Variants in PCDH9 observed in about 807,000 individuals in gnomAD.
PCDH9 encodes the protein protocadherin-9.
Under a neutral mutation model 70.6 loss-of-function variants are expected in PCDH9, and 24 were observed. The ratio of observed to expected loss-of-function variants is 0.34; its 90% CI spans 0.25 to 0.48. The LOEUF is 0.48. Ranked by LOEUF, PCDH9 falls within the 20% of genes least tolerant of loss-of-function variation. The pLI, the probability that PCDH9 is intolerant of heterozygous loss-of-function variation, is 0.99. For synonymous variants in PCDH9, 562 were observed against 558.5 expected (o/e 1.01, Z -0.09); for missense variants, 1,281 against 1,503.6 (o/e 0.85, Z 2.45).
At chr13:66,938,044 A>C (rs2082945918) in intron 2 of PCDH9, among the ~76,000 whole-genome samples, 1 of 152,188 alleles carries the variant, frequency 6.6e-6, no homozygotes, top group South Asian at 2.1e-4. Context: ...CGTGGATTAC[A>C]CCACAGTGCT....
intron 2 of PCDH9, among the ~76,000 whole-genome samples, chr13:67,046,523 C>T (rs750035393): frequency 5.9e-5 from 9 of 152,028 alleles, no homozygotes; most frequent in Non-Finnish European, 1.2e-4. Flanking sequence ...ACTATTTTGG[C>T]AAACACAGTG....
chr13:66,928,603 C>T lies in PCDH9; in HGVS notation c.3037-24998G>A, dbSNP rs138426025. 5.3e-4 allele frequency among the ~76,000 whole-genome samples: 80 copies of T among 152,082 alleles called. 1 individual carries two copies. In the East Asian group the frequency reaches 0.012, roughly 22 times the overall value. On this transcript the variant is annotated intron_variant, in intron 2 of 4. Coordinates refer to ENST00000377865, the MANE Select transcript of PCDH9 (RefSeq NM_203487.3). Reference sequence around the variant, plus strand: ...TGATTAGGTCATAAGGGCAGATCCCCTATGAATGAGATTAGTGCCCTTATA... The same window carrying T: ...TGATTAGGTCATAAGGGCAGATCCCTTATGAATGAGATTAGTGCCCTTATA...
chr13:66,396,892 A>AT (rs1229192734), intron 4 of PCDH9, among the ~76,000 whole-genome samples: 2 of 152,192 alleles, frequency 1.3e-5, no homozygotes, highest in Non-Finnish European at 2.9e-5. Flanking sequence ...AGACAAGTGG[A>AT]TCTTTCATTT....
At chr13:66,816,282 G>A (rs2080603392) in intron 3 of PCDH9, among the ~76,000 whole-genome samples, 1 of 152,174 alleles carries the variant, frequency 6.6e-6, no homozygotes, top group Admixed American at 6.6e-5. Context: ...CCAGGACACT[G>A]TGATCTGGCC....
intron 3 of PCDH9, among the ~76,000 whole-genome samples, chr13:66,689,894 T>C (rs767615343): frequency 1.3e-5 from 2 of 152,170 alleles, no homozygotes; most frequent in Non-Finnish European, 2.9e-5. Flanking sequence ...ATGTTTCTTG[T>C]CTTCTTTTTT....
At chr13:66,700,136 A>G (rs1435622440) in intron 3 of PCDH9, among the ~76,000 whole-genome samples, 1 of 151,872 alleles carries the variant, frequency 6.6e-6, no homozygotes, top group African/African-American at 2.4e-5. Context: ...TACTGTAGCA[A>G]ACCCCGGCAC....
intron 3 of PCDH9, among the ~76,000 whole-genome samples, chr13:66,848,702 G>C (rs1031490496): frequency 1.3e-5 from 2 of 152,040 alleles, no homozygotes; most frequent in African/African-American, 4.8e-5. Context: ...GCTGAGGCGG[G>C]CGGATCACGA....
intron 2 of PCDH9, among the ~76,000 whole-genome samples, chr13:66,988,879 C>G (rs1289581349): frequency 1.3e-5 from 2 of 151,930 alleles, no homozygotes; most frequent in African/African-American, 4.8e-5. Flanking sequence ...ATTGCGATTA[C>G]AGAAGACTAT....
chr13:66,750,808 T>C (rs932672928), intron 3 of PCDH9, among the ~76,000 whole-genome samples: 6 of 152,054 alleles, frequency 3.9e-5, no homozygotes, highest in Admixed American at 6.6e-5. Context: ...AGCACAGCCC[T>C]ACCCATAAAA....
intron 4 of PCDH9, among the ~76,000 whole-genome samples, chr13:66,401,869 G>A (rs1957194799): frequency 6.6e-6 from 1 of 152,138 alleles, no homozygotes. Flanking sequence ...AAAGCTGTTA[G>A]TTTCCCTTTC....
intron 3 of PCDH9, among the ~76,000 whole-genome samples, chr13:66,845,868 C>T (rs1016548761): frequency 3.3e-5 from 5 of 152,098 alleles, no homozygotes; most frequent in Non-Finnish European, 5.9e-5. Flanking sequence ...TTTAATACTA[C>T]TACTAATAAT....
intron 4 of PCDH9, among the ~76,000 whole-genome samples, chr13:66,590,776 T>C (rs2077029047): frequency 6.6e-6 from 1 of 151,886 alleles, no homozygotes; most frequent in East Asian, 1.9e-4. Flanking sequence ...TAAGTGCACG[T>C]CTTTAACTCC....
At chr13:66,669,748 C>A (rs1360161408) in intron 3 of PCDH9, among the ~76,000 whole-genome samples, 1 of 152,176 alleles carries the variant, frequency 6.6e-6, no homozygotes, top group Non-Finnish European at 1.5e-5. Flanking sequence ...TTTTAACCAT[C>A]AGGCTTATTG....
intron 2 of PCDH9, among the ~76,000 whole-genome samples, chr13:67,178,636 A>G (rs2088530400): frequency 2.0e-5 from 3 of 151,604 alleles, no homozygotes; most frequent in African/African-American, 7.3e-5. Flanking sequence ...CTTAAGTGCC[A>G]CTCTTATTCA....
intron 2 of PCDH9, among the ~76,000 whole-genome samples, chr13:67,135,399 A>G (rs1045962818): frequency 2.0e-5 from 3 of 152,160 alleles, no homozygotes; most frequent in East Asian, 3.9e-4. Context: ...TCCAATTTAT[A>G]TTTTCTACAT....
At chr13:66,650,241 C>T (rs1187474583) in intron 3 of PCDH9, among the ~76,000 whole-genome samples, 7 of 151,812 alleles carry the variant, frequency 4.6e-5, no homozygotes, top group African/African-American at 9.6e-5. Context: ...AATAAACACA[C>T]GTCACCTATA....
chr13:66,568,142 G>A (rs558386262), intron 4 of PCDH9, among the ~76,000 whole-genome samples: 15 of 152,136 alleles, frequency 9.9e-5, no homozygotes, highest in Admixed American at 8.5e-4. Flanking sequence ...AATCTGATAG[G>A]GTTGGTTCTC....
chr13:66,718,010 T>C (rs1029887057), intron 3 of PCDH9, among the ~76,000 whole-genome samples: 1 of 152,192 alleles, frequency 6.6e-6, no homozygotes, highest in African/African-American at 2.4e-5. Context: ...CAGATTGTTT[T>C]TCATATTAAA....
chr13:66,700,353 G>C (rs950090370), intron 3 of PCDH9, among the ~76,000 whole-genome samples: 1 of 152,070 alleles, frequency 6.6e-6, no homozygotes, highest in South Asian at 2.1e-4. Flanking sequence ...GTGTCATTCC[G>C]TTCCCTTCTT....
Sources: allele counts gnomAD v4.1 joint callset (sites outside exome capture counted in the v4.1 genomes callset), GRCh38; gene constraint gnomAD v4.1.1; transcripts MANE v1.5; gene names NCBI Gene and HGNC (gene_info 2026-07-23, HGNC 2026-07-21).